Variants in SPRR2G observed in about 807,000 individuals in gnomAD.
SPRR2G encodes the protein small proline rich protein 2G, also known as small proline-rich protein 2G.
In SPRR2G, 1 loss-of-function variant was observed where a neutral mutation model predicts 0.7. The ratio of observed to expected loss-of-function variants is 1.49; its 90% CI spans 0.53 to 7.06. The LOEUF (loss-of-function observed/expected upper bound fraction) is 7.06, where lower values mean the gene tolerates loss of function less well. Ranked by LOEUF, SPRR2G falls within the 30% of genes most tolerant of loss-of-function variation. SPRR2G has a pLI of 0.14. For missense variants in SPRR2G, 96 were observed against 88.5 expected, an observed-to-expected ratio of 1.09 and a Z score of -0.34; for synonymous variants, 38 against 33.9, an observed-to-expected ratio of 1.12 and a Z score of -0.42.
At chr1:153,187,170 A>ATG in the SPRR2G span, among the ~76,000 whole-genome samples, 1 of 152,074 alleles carries the variant, frequency 6.6e-6, no homozygotes, top group Non-Finnish European at 1.5e-5. Flanking sequence ...TCTGACAATT[A>ATG]TGTGTCTTGG....
At chr1:153,184,755 G>A in the SPRR2G span, among the ~76,000 whole-genome samples, 1 of 152,184 alleles carries the variant, frequency 6.6e-6, no homozygotes, top group Admixed American at 6.5e-5. Context: ...AATAGGAGCG[G>A]TGAGAGAGGG....
the SPRR2G span, among the ~76,000 whole-genome samples, chr1:153,185,034 C>G: frequency 1.3e-5 from 2 of 152,270 alleles, no homozygotes; most frequent in African/African-American, 2.4e-5. Flanking sequence ...TTGAACTGCC[C>G]TTGCATCCCA....
the SPRR2G span, among the ~76,000 whole-genome samples, chr1:153,187,402 T>C: frequency 6.6e-6 from 1 of 152,134 alleles, no homozygotes; most frequent in South Asian, 2.1e-4. Flanking sequence ...TTGTTCCTTT[T>C]CATTCTTTTT....
Position 153,150,867 on chromosome 1 carries a change from TCTACAA to T in SPRR2G, c.-43_-38del. ...TTGTACTCACCAGAGTCTTCAAAGA[TCTACAA>T]CTGAATGGCAAGAAGATAGCATCAG... On this transcript the variant is annotated 5_prime_UTR_variant, in exon 1 of 2. Transcript: ENST00000368748. 6.5e-6 allele frequency: 1 copy of T among 152,800 alleles called. No homozygotes were observed. The highest frequency in any genetic ancestry group is 2.1e-4 in the South Asian group (1 of 4,840). 9.5% of individuals were successfully genotyped at this position (152,800 alleles called of 1,614,324 possible). A position where few individuals can be genotyped will look rare whatever the true frequency, so the allele number is the denominator to read the frequency against.
At chr1:153,183,788 T>C in the SPRR2G span, among the ~76,000 whole-genome samples, 1 of 152,214 alleles carries the variant, frequency 6.6e-6, no homozygotes, top group East Asian at 1.9e-4. Context: ...TCATGAAGTC[T>C]TTGCACATGC....
the SPRR2G span, among the ~76,000 whole-genome samples, chr1:153,156,336 G>T: frequency 6.6e-6 from 1 of 152,132 alleles, no homozygotes; most frequent in African/African-American, 2.4e-5. Flanking sequence ...ATAGAGCCTT[G>T]ACTATTTAGA....
At chr1:153,174,363 G>A in the SPRR2G span, among the ~76,000 whole-genome samples, 4 of 152,262 alleles carry the variant, frequency 2.6e-5, no homozygotes, top group African/African-American at 9.6e-5. Flanking sequence ...TGGAAAAGCC[G>A]CAGAACCAGG....
At chr1:153,180,785 T>C in the SPRR2G span, among the ~76,000 whole-genome samples, 1 of 151,020 alleles carries the variant, frequency 6.6e-6, no homozygotes. Flanking sequence ...TGGTATTGTC[T>C]ATCTTTTTTC....
At position 153,150,130 on chromosome 1, in the gene SPRR2G, A is replaced by C; in HGVS notation, c.-20T>G. On this transcript the variant is annotated splice_region_variant and 5_prime_UTR_variant, in exon 2 of 2. Coordinates refer to ENST00000368748, the MANE Select transcript of SPRR2G (RefSeq NM_001014291.4). ...AGACATCTCTCCTCAGTCTCAGAGA[A>C]TCTGAAAGATACATACGAAACAGTG... The C allele has an allele frequency of 3.1e-6, 5 of 1,611,300 alleles. No homozygotes were observed. Among genetic ancestry groups the C allele is most frequent in the Non-Finnish European group, 4.2e-6 (5 of 1,179,838 alleles).
At chr1:153,168,210 A>G in the SPRR2G span, among the ~76,000 whole-genome samples, 3 of 152,242 alleles carry the variant, frequency 2.0e-5, no homozygotes, top group Non-Finnish European at 2.9e-5. Flanking sequence ...ACTCAGTTCC[A>G]TAGAAGAACC....
the SPRR2G span, among the ~76,000 whole-genome samples, chr1:153,183,383 G>A: frequency 1.3e-5 from 2 of 151,872 alleles, no homozygotes; most frequent in Non-Finnish European, 2.9e-5. Context: ...CACCGCGCCT[G>A]GCCCCTGACT....
chr1:153,179,168 G>T, the SPRR2G span, among the ~76,000 whole-genome samples: 42 of 152,268 alleles, frequency 2.8e-4, no homozygotes, highest in African/African-American at 8.9e-4. Flanking sequence ...GGAAGATTTA[G>T]CTTGGCTTTT....
At chr1:153,185,318 G>A in the SPRR2G span, among the ~76,000 whole-genome samples, 1 of 148,408 alleles carries the variant, frequency 6.7e-6, no homozygotes, top group Admixed American at 6.7e-5. Context: ...GAATTTGGCT[G>A]TGAATCCTTC....
chr1:153,169,962 A>G, the SPRR2G span, among the ~76,000 whole-genome samples: 1 of 152,220 alleles, frequency 6.6e-6, no homozygotes, highest in East Asian at 1.9e-4. Context: ...CTCCTTTCCA[A>G]ATATATGAAT....
At chr1:153,183,282 T>C in the SPRR2G span, among the ~76,000 whole-genome samples, 2 of 150,878 alleles carry the variant, frequency 1.3e-5, no homozygotes, top group Admixed American at 1.3e-4. Flanking sequence ...AAACAGAGTT[T>C]CTCCATGCTG....
Position 153,149,916 on chromosome 1 carries a change from C to A in SPRR2G, c.195G>T (p.Gln65His). 6.2e-7 allele frequency: 1 copy of A among 1,614,042 alleles called. No homozygotes were observed. Among genetic ancestry groups the A allele is most frequent in the Non-Finnish European group, 8.5e-7 (1 of 1,180,014 alleles). ...CPPVQPYPPC[Q>H]QKYPPKSK ...ACTTGCTCTTGGGTGGATACTTCTG[C>A]TGGCAGGGTGGGTATGGTTGCACAG... is the stretch of plus-strand genomic sequence containing the variant. The change falls in exon 2 of 2, where the codon CAG becomes CAT. Residue 65 changes from glutamine to histidine, a missense_variant. Transcript: ENST00000368748.
chr1:153,189,116 T>G, the SPRR2G span, among the ~76,000 whole-genome samples: 9 of 152,236 alleles, frequency 5.9e-5, no homozygotes, highest in Non-Finnish European at 1.0e-4. Context: ...GCCAGCTCTC[T>G]TTAAGAAATT....
At chr1:153,163,947 C>T in the SPRR2G span, among the ~76,000 whole-genome samples, 1 of 152,124 alleles carries the variant, frequency 6.6e-6, no homozygotes, top group African/African-American at 2.4e-5. Flanking sequence ...GATTTTGAGT[C>T]ATCTAAAATA....
At chr1:153,190,978 G>A in the SPRR2G span, 1 of 152,144 alleles carries the variant, frequency 6.6e-6, no homozygotes, top group Non-Finnish European at 1.5e-5. Flanking sequence ...AAGTCACAGA[G>A]AGACAAAGGA....
Sources: allele counts gnomAD v4.1 joint callset (sites outside exome capture counted in the v4.1 genomes callset), GRCh38; gene constraint gnomAD v4.1.1; transcripts MANE v1.5; gene names NCBI Gene and HGNC (gene_info 2026-07-23, HGNC 2026-07-21).